FOXO3: variants seen among roughly 807,000 people sequenced by gnomAD.
FOXO3 encodes forkhead box protein O3.
A neutral mutation model predicts 41.9 loss-of-function variants in FOXO3; 4 were observed. The ratio of observed to expected loss-of-function variants is 0.10; its 90% CI spans 0.05 to 0.22. The LOEUF (loss-of-function observed/expected upper bound fraction) is 0.22, where lower values mean the gene tolerates loss of function less well. Ranked by LOEUF, FOXO3 falls within the 10% of genes least tolerant of loss-of-function variation. The pLI, the probability that FOXO3 is intolerant of heterozygous loss-of-function variation, is 1.00. For synonymous variants in FOXO3, 318 were observed against 389.3 expected (o/e 0.82, Z 2.16); for missense variants, 534 against 906.8 (o/e 0.59, Z 5.28).
At chr6:108,627,021 G>T (rs1777829427) in intron 1 of FOXO3, among the ~76,000 whole-genome samples, 2 of 152,218 alleles carry the variant, frequency 1.3e-5, no homozygotes, top group African/African-American at 4.8e-5. Flanking sequence ...CCTGAGTCTA[G>T]TAGGAGGCAG....
At chr6:108,593,605 T>C (rs1776790444) in intron 1 of FOXO3, among the ~76,000 whole-genome samples, 1 of 151,968 alleles carries the variant, frequency 6.6e-6, no homozygotes, top group African/African-American at 2.4e-5. Context: ...CTCTAACTCC[T>C]GGCCTCAAGT....
At chr6:108,629,673 CT>C (rs775379649) in intron 1 of FOXO3, among the ~76,000 whole-genome samples, 14 of 150,714 alleles carry the variant, frequency 9.3e-5, no homozygotes, top group African/African-American at 1.2e-4. Context: ...TTTTTAACAC[CT>C]TTTTTTTTCT....
intron 1 of FOXO3, among the ~76,000 whole-genome samples, chr6:108,658,371 A>G (rs908986610): frequency 1.1e-3 from 161 of 152,296 alleles, no homozygotes; most frequent in African/African-American, 3.6e-3. Flanking sequence ...TGTAACTGGA[A>G]AAACCTGTCT....
chr6:108,593,440 C>T (rs972431332), intron 1 of FOXO3, among the ~76,000 whole-genome samples: 7 of 151,468 alleles, frequency 4.6e-5, no homozygotes, highest in Admixed American at 2.6e-4. Context: ...TGCAGTGGCA[C>T]GATCTTAGCT....
chr6:108,618,919 A>G (rs368827475), intron 1 of FOXO3, among the ~76,000 whole-genome samples: 74 of 152,306 alleles, frequency 4.9e-4, no homozygotes, highest in African/African-American at 1.6e-3. Flanking sequence ...AGTAAGACTG[A>G]CATGCTCTGT....
intron 1 of FOXO3, among the ~76,000 whole-genome samples, chr6:108,638,085 C>T (rs1778165450): frequency 6.6e-6 from 1 of 152,168 alleles, no homozygotes; most frequent in Non-Finnish European, 1.5e-5. Flanking sequence ...CTGTTTTTCT[C>T]ATTTTCAGTA....
rs1229721034 is a variant in FOXO3, at chr6:108,684,720, T to C, written c.*4928T>C. On this transcript the variant is annotated 3_prime_UTR_variant, in exon 3 of 3. Coordinates refer to ENST00000406360, the MANE Select transcript of FOXO3 (RefSeq NM_001455.4). Reference sequence around the variant, plus strand: ...TATTCCACTTAAAACCGTAATCTAGTTTGTAAAAGAGATGGTGACGCATGT... The same window carrying C: ...TATTCCACTTAAAACCGTAATCTAGCTTGTAAAAGAGATGGTGACGCATGT... The C allele has an allele frequency of 6.6e-6, 1 of 152,660 alleles. No homozygotes were observed. The highest frequency in any genetic ancestry group is 1.5e-5 in the Non-Finnish European group (1 of 68,046). 9.5% of individuals were successfully genotyped at this position (152,660 alleles called of 1,614,324 possible). A position where few individuals can be genotyped will look rare whatever the true frequency, so the allele number is the denominator to read the frequency against.
At chr6:108,600,522 A>AG (rs1410974922) in intron 1 of FOXO3, among the ~76,000 whole-genome samples, 1 of 126,782 alleles carries the variant, frequency 7.9e-6, no homozygotes, top group Non-Finnish European at 1.6e-5. Context: ...ACTCCAGTCT[A>AG]GGTGACAGAG....
chr6:108,588,170 GT>G (rs1479203887), intron 1 of FOXO3, among the ~76,000 whole-genome samples: 2 of 152,196 alleles, frequency 1.3e-5, no homozygotes, highest in African/African-American at 4.8e-5. Context: ...TCATCTTTAA[GT>G]TGATAAGTTC....
intron 1 of FOXO3, among the ~76,000 whole-genome samples, chr6:108,657,686 AATC>A (rs1368774089): frequency 6.6e-5 from 10 of 152,194 alleles, no homozygotes; most frequent in Non-Finnish European, 1.2e-4. Context: ...ATTAGTGAAA[AATC>A]ATAGAATATT....
rs114434318 is a variant in FOXO3, at chr6:108,666,704, G to A, written c.*34+1815G>A. 2.4e-3 allele frequency among the ~76,000 whole-genome samples: 364 copies of A among 151,420 alleles called. 2 individuals are homozygous for A. Among genetic ancestry groups the A allele is most frequent in the African/African-American group, 8.5e-3 (353 of 41,306 alleles). On this transcript the variant is annotated intron_variant, in intron 2 of 2. Transcript: ENST00000406360. ...AGTTCTTCCTTATTCTCTCTAGCTGGTTAGAAAAAAAGCGGGGAGGGGAGG... is the reference window on the plus strand; with the variant it reads ...AGTTCTTCCTTATTCTCTCTAGCTGATTAGAAAAAAAGCGGGGAGGGGAGG...
intron 1 of FOXO3, among the ~76,000 whole-genome samples, chr6:108,581,100 A>G (rs1461761413): frequency 1.3e-5 from 2 of 152,184 alleles, no homozygotes; most frequent in African/African-American, 2.4e-5. Context: ...CTAATTGTAT[A>G]TCATCTTTTG....
intron 1 of FOXO3, among the ~76,000 whole-genome samples, chr6:108,589,006 T>C (rs1776661522): frequency 6.6e-6 from 1 of 152,192 alleles, no homozygotes; most frequent in Admixed American, 6.5e-5. Context: ...ATTTAAAAAT[T>C]CATGTTCCTC....
chr6:108,676,787 T>C (rs1356658415), intron 2 of FOXO3, among the ~76,000 whole-genome samples: 1 of 152,224 alleles, frequency 6.6e-6, no homozygotes, highest in African/African-American at 2.4e-5. Flanking sequence ...CAGATAAGCA[T>C]GTACAAACAT....
rs539700773 is a variant in FOXO3, at chr6:108,634,538, G to A, written c.622-28917G>A. On this transcript the variant is annotated intron_variant, in intron 1 of 2. Transcript: ENST00000406360. The stretch of plus-strand genomic sequence containing the variant: ...TGATTTGAGCCATAATATCTAGGGT[G>A]CTTGAGGTTGTGTACTTGGGTCCTT... Among the ~76,000 whole-genome samples the A allele has an allele frequency of 9.9e-5, 15 of 152,258 alleles. No homozygotes were observed. In the East Asian group the frequency reaches 2.7e-3, roughly 27 times the overall value.
intron 1 of FOXO3, among the ~76,000 whole-genome samples, chr6:108,581,050 C>G (rs1430604411): frequency 6.6e-6 from 1 of 152,208 alleles, no homozygotes; most frequent in African/African-American, 2.4e-5. Context: ...TCATTGCTTT[C>G]TCTCCCTGCC....
At chr6:108,615,936 C>T (rs1363649663) in intron 1 of FOXO3, among the ~76,000 whole-genome samples, 3 of 151,748 alleles carry the variant, frequency 2.0e-5, no homozygotes, top group South Asian at 4.2e-4. Flanking sequence ...TTGTATCTTC[C>T]AATTTCCTGC....
chr6:108,618,097 C>T, intron 1 of FOXO3: 1 of 773,194 alleles, frequency 1.3e-6, no homozygotes, highest in Admixed American at 1.7e-5. Flanking sequence ...GATTTGGTTG[C>T]CGGTCAAATC....
In FOXO3 at chr6:108,684,331, G is replaced by GA. The variant is rs1187332148; in HGVS notation, c.*4545dup. ...GCTTCACATGTTTAACTTTTTTTAA[G>GA]AAAAAAGTTGCATGAATGGAAAAAA... On this transcript the variant is annotated 3_prime_UTR_variant, in exon 3 of 3. Transcript: ENST00000406360. 2.6e-5 allele frequency: 4 copies of GA among 151,894 alleles called. No individual in the cohort carries two copies. Among genetic ancestry groups the GA allele is most frequent in the African/African-American group, 9.7e-5 (4 of 41,262 alleles). The allele number at this position is 151,894 out of a possible 1,614,324, so 9.4% of individuals were successfully genotyped here. A position where few individuals can be genotyped will look rare whatever the true frequency, so the allele number is the denominator to read the frequency against.
Sources: allele counts gnomAD v4.1 joint callset (sites outside exome capture counted in the v4.1 genomes callset), GRCh38; gene constraint gnomAD v4.1.1; transcripts MANE v1.5; gene names NCBI Gene and HGNC (gene_info 2026-07-23, HGNC 2026-07-21).